KCNJ3: variants seen among roughly 807,000 people sequenced by gnomAD.
KCNJ3 encodes the protein potassium inwardly rectifying channel subfamily J member 3.
A neutral mutation model predicts 39.2 loss-of-function variants in KCNJ3; 4 were observed. The observed-to-expected ratio is 0.10, with a 90% CI of 0.05 to 0.23. The LOEUF (loss-of-function observed/expected upper bound fraction) is 0.23, where lower values mean the gene tolerates loss of function less well. Among genes scored for constraint, KCNJ3 ranks in the 10% least tolerant of loss-of-function variants. The pLI, the probability that KCNJ3 is intolerant of heterozygous loss-of-function variation, is 1.00. For synonymous variants in KCNJ3, 230 were observed against 237.4 expected (o/e 0.97, Z 0.29); for missense variants, 276 against 634.9 (o/e 0.43, Z 6.08).
intron 2 of KCNJ3, among the ~76,000 whole-genome samples, chr2:154,720,197 A>G (rs1338965757): frequency 6.6e-6 from 1 of 152,080 alleles, no homozygotes; most frequent in African/African-American, 2.4e-5. Context: ...TAGGGAGGGA[A>G]GGAAGGAAGA....
At chr2:154,833,172 G>A (rs1320220871) in intron 2 of KCNJ3, among the ~76,000 whole-genome samples, 1 of 152,146 alleles carries the variant, frequency 6.6e-6, no homozygotes, top group East Asian at 1.9e-4. Context: ...ATCACGGTAT[G>A]TAGGTCCTTT....
chr2:154,831,195 C>CACA (rs1687357063), intron 2 of KCNJ3, among the ~76,000 whole-genome samples: 1 of 152,228 alleles, frequency 6.6e-6, no homozygotes, highest in Non-Finnish European at 1.5e-5. Flanking sequence ...TTTGATAAAG[C>CACA]ACAACAGTTA....
At chr2:154,759,567 C>CTATA (rs1242447853) in intron 2 of KCNJ3, among the ~76,000 whole-genome samples, 3 of 151,716 alleles carry the variant, frequency 2.0e-5, no homozygotes, top group African/African-American at 7.3e-5. Flanking sequence ...AAATATCTAT[C>CTATA]TATAGATATA....
rs542031538 is a variant in KCNJ3, at chr2:154,729,999, C to T, written c.919+20180C>T. On this transcript the variant is annotated intron_variant, in intron 2 of 2. Coordinates refer to ENST00000295101, the MANE Select transcript of KCNJ3 (RefSeq NM_002239.4). ...CCAGACTCCTCTTACCCTCCTTTAC[C>T]GTCTGTAACACTTGCTTTTCCTAGT... Among the ~76,000 whole-genome samples the T allele has an allele frequency of 2.6e-5, 4 of 152,014 alleles. No individual in the cohort carries two copies. The East Asian group carries it at 7.8e-4, about 30-fold the overall frequency.
At chr2:154,854,208 GTA>G (rs898973032) in intron 2 of KCNJ3, among the ~76,000 whole-genome samples, 26 of 152,086 alleles carry the variant, frequency 1.7e-4, no homozygotes, top group African/African-American at 6.3e-4. Context: ...TTACATTTCT[GTA>G]TATGTTATTT....
chr2:154,786,836 G>A (rs752665275), intron 2 of KCNJ3, among the ~76,000 whole-genome samples: 10 of 152,200 alleles, frequency 6.6e-5, no homozygotes, highest in African/African-American at 9.6e-5. Context: ...ATTGTTTTTC[G>A]TTGAAGAGCA....
chr2:154,733,349 T>C (rs186555379), intron 2 of KCNJ3, among the ~76,000 whole-genome samples: 55 of 152,280 alleles, frequency 3.6e-4, no homozygotes, highest in Non-Finnish European at 2.8e-4. Context: ...TTCACTGAGT[T>C]ACAATGAACA....
At chr2:154,724,917 G>GTATATATATATCTATATA (rs1685325678) in intron 2 of KCNJ3, among the ~76,000 whole-genome samples, 1 of 116,316 alleles carries the variant, frequency 8.6e-6, no homozygotes, top group Non-Finnish European at 1.7e-5. Context: ...TACATATGAG[G>GTATATATATATCTATATA]TATATATATA....
At chr2:154,842,734 T>A (rs908500168) in intron 2 of KCNJ3, among the ~76,000 whole-genome samples, 1 of 152,208 alleles carries the variant, frequency 6.6e-6, no homozygotes. Flanking sequence ...TGGTTTAAAG[T>A]CTGTTTTATC....
chr2:154,704,344 T>C (rs1026824511), intron 1 of KCNJ3, among the ~76,000 whole-genome samples: 1 of 151,908 alleles, frequency 6.6e-6, no homozygotes, highest in African/African-American at 2.4e-5. Context: ...TAGGAGGAAA[T>C]GTGCAAGTAG....
In KCNJ3 at chr2:154,782,034, C is replaced by T. The variant is rs745889072; in HGVS notation, c.919+72215C>T. On this transcript the variant is annotated intron_variant, in intron 2 of 2. Transcript: ENST00000295101. Reference sequence around the variant, plus strand: ...ATCTGTTTTTGTGATGATTTTTGTCCGTGATATTGAGGTGTATACAATTAT... The same window carrying T: ...ATCTGTTTTTGTGATGATTTTTGTCTGTGATATTGAGGTGTATACAATTAT... 7.4e-4 allele frequency among the ~76,000 whole-genome samples: 113 copies of T among 151,998 alleles called. 2 individuals are homozygous for T. The highest frequency in any genetic ancestry group is 6.9e-3 in the Admixed American group (105 of 15,260).
At chr2:154,807,994 A>G (rs1055417526) in intron 2 of KCNJ3, among the ~76,000 whole-genome samples, 7 of 152,030 alleles carry the variant, frequency 4.6e-5, no homozygotes, top group Non-Finnish European at 7.4e-5. Flanking sequence ...TCTAGTACCC[A>G]TAAACTCAAC....
intron 2 of KCNJ3, among the ~76,000 whole-genome samples, chr2:154,782,062 T>C (rs1686448697): frequency 6.6e-6 from 1 of 152,212 alleles, no homozygotes; most frequent in African/African-American, 2.4e-5. Context: ...ACAATTATTG[T>C]TTAGTTTCGG....
chr2:154,844,831 C>T (rs1393674547), intron 2 of KCNJ3, among the ~76,000 whole-genome samples: 1 of 152,174 alleles, frequency 6.6e-6, no homozygotes, highest in Admixed American at 6.5e-5. Flanking sequence ...AGAAGTGCCT[C>T]ATTTTTCCAG....
At chr2:154,763,316 G>A (rs528712116) in intron 2 of KCNJ3, among the ~76,000 whole-genome samples, 1 of 152,188 alleles carries the variant, frequency 6.6e-6, no homozygotes, top group Admixed American at 6.5e-5. Flanking sequence ...TTTTCTCTAG[G>A]TGGGGCTGTA....
chr2:154,854,233 A>G (rs752979248), intron 2 of KCNJ3, among the ~76,000 whole-genome samples: 2 of 152,198 alleles, frequency 1.3e-5, no homozygotes, highest in Non-Finnish European at 2.9e-5. Flanking sequence ...TGGTCACAGC[A>G]GTGTTGTGAG....
In KCNJ3 at chr2:154,754,253, A is replaced by T. The variant is rs551356168; in HGVS notation, c.919+44434A>T. ...TAATTAACCTAGCACTCCTTCAATA[A>T]ACCTTATGTGAACATTTCTTTTTTT... On this transcript the variant is annotated intron_variant, in intron 2 of 2. Coordinates refer to ENST00000295101, the MANE Select transcript of KCNJ3 (RefSeq NM_002239.4). Among the ~76,000 whole-genome samples the T allele has an allele frequency of 2.0e-5, 3 of 152,286 alleles. No homozygotes were observed. In the South Asian group the frequency reaches 6.2e-4, roughly 32 times the overall value.
intron 2 of KCNJ3, among the ~76,000 whole-genome samples, chr2:154,796,377 A>G (rs1034077643): frequency 2.6e-5 from 4 of 152,190 alleles, no homozygotes; most frequent in African/African-American, 7.2e-5. Flanking sequence ...TTGTCTAGAC[A>G]CTATTGAAGT....
intron 2 of KCNJ3, among the ~76,000 whole-genome samples, chr2:154,766,485 A>G (rs1255247533): frequency 1.3e-5 from 2 of 152,022 alleles, no homozygotes; most frequent in African/African-American, 2.4e-5. Flanking sequence ...CAGGTTACCC[A>G]AAGTGGATAA....
Sources: allele counts gnomAD v4.1 joint callset (sites outside exome capture counted in the v4.1 genomes callset), GRCh38; gene constraint gnomAD v4.1.1; transcripts MANE v1.5; gene names NCBI Gene and HGNC (gene_info 2026-07-23, HGNC 2026-07-21).